Variants in PRKACB observed in about 807,000 individuals in gnomAD.
The protein encoded by PRKACB is cAMP-dependent protein kinase catalytic subunit beta.
Under a neutral mutation model 51.4 loss-of-function variants are expected in PRKACB, and 16 were observed. That is an observed-to-expected ratio of 0.31 (90% confidence interval 0.21 to 0.47). The LOEUF (loss-of-function observed/expected upper bound fraction) is 0.47, where lower values mean the gene tolerates loss of function less well. PRKACB is among the 20% of genes least tolerant of loss of function. The pLI is 1.00. For missense variants in PRKACB, 309 were observed against 464.5 expected (o/e 0.67, Z 3.08); for synonymous variants, 147 against 154.4 (o/e 0.95, Z 0.35).
chr1:84,133,691 T>C (rs1206192835), intron 1 of PRKACB, among the ~76,000 whole-genome samples: 1 of 152,210 alleles, frequency 6.6e-6, no homozygotes, highest in Non-Finnish European at 1.5e-5. Flanking sequence ...GGAGCACAGC[T>C]GAGCCAGTGC....
intron 1 of PRKACB, among the ~76,000 whole-genome samples, chr1:84,088,787 T>C (rs1451548259): frequency 6.6e-6 from 1 of 152,190 alleles, no homozygotes; most frequent in African/African-American, 2.4e-5. Context: ...GGCACTATGC[T>C]AGTCTGTAGA....
At chr1:84,160,826 G>T (rs1203593456) in intron 1 of PRKACB, among the ~76,000 whole-genome samples, 1 of 151,454 alleles carries the variant, frequency 6.6e-6, no homozygotes, top group Non-Finnish European at 1.5e-5. Flanking sequence ...TAATTCTGCT[G>T]TGATTATAGA....
intron 1 of PRKACB, among the ~76,000 whole-genome samples, chr1:84,100,842 GA>G (rs1649299109): frequency 6.6e-6 from 1 of 152,100 alleles, no homozygotes; most frequent in Non-Finnish European, 1.5e-5. Flanking sequence ...TTTTATACAA[GA>G]GGTAACTGAG....
intron 1 of PRKACB, among the ~76,000 whole-genome samples, chr1:84,153,505 ATTC>A (rs1655086573): frequency 6.6e-6 from 1 of 152,146 alleles, no homozygotes; most frequent in Non-Finnish European, 1.5e-5. Context: ...TCCAGGACTT[ATTC>A]ATCCTGTCTA....
intron 1 of PRKACB, among the ~76,000 whole-genome samples, chr1:84,082,651 T>C (rs1243007932): frequency 6.6e-6 from 1 of 152,170 alleles, no homozygotes; most frequent in African/African-American, 2.4e-5. Flanking sequence ...CAGTCAAACA[T>C]TCTGTGATAA....
intron 1 of PRKACB, among the ~76,000 whole-genome samples, chr1:84,172,649 A>G (rs1659916615): frequency 6.6e-6 from 1 of 151,736 alleles, no homozygotes; most frequent in Admixed American, 6.6e-5. Context: ...TATATGTCTC[A>G]TTAAAAGTGT....
intron 1 of PRKACB, chr1:84,086,253 G>T (rs1647976993): frequency 6.6e-7 from 1 of 1,524,548 alleles, no homozygotes; most frequent in South Asian, 1.1e-5. Flanking sequence ...ACAAGTCCTG[G>T]TTCCCTTGCC....
intron 9 of PRKACB, among the ~76,000 whole-genome samples, chr1:84,219,625 G>T (rs1400488513): frequency 1.3e-5 from 2 of 150,612 alleles, no homozygotes; most frequent in East Asian, 1.9e-4. Flanking sequence ...AGTGATTTGG[G>T]GATATGGTGA....
At chr1:84,221,442 G>A (rs969880526) in intron 9 of PRKACB, among the ~76,000 whole-genome samples, 3 of 149,376 alleles carry the variant, frequency 2.0e-5, no homozygotes, top group Non-Finnish European at 3.0e-5. Flanking sequence ...ATTTCATTTA[G>A]TTGTGCTCTG....
intron 1 of PRKACB, among the ~76,000 whole-genome samples, chr1:84,087,246 T>G (rs1285001824): frequency 6.6e-6 from 1 of 152,238 alleles, no homozygotes; most frequent in Admixed American, 6.5e-5. Flanking sequence ...CATATTTCAT[T>G]TAATCTAGAA....
chr1:84,183,756 A>C (rs560006663), intron 3 of PRKACB, among the ~76,000 whole-genome samples: 18 of 151,944 alleles, frequency 1.2e-4, no homozygotes, highest in Admixed American at 8.5e-4. Context: ...TCTTATTCCT[A>C]CTTAGCTCTC....
intron 5 of PRKACB, among the ~76,000 whole-genome samples, chr1:84,188,113 T>A (rs931568528): frequency 6.6e-6 from 1 of 152,044 alleles, no homozygotes; most frequent in African/African-American, 2.4e-5. Context: ...TGCTTTTATC[T>A]TTTTTTACAA....
At chr1:84,180,671 G>T (rs1385448761) in intron 2 of PRKACB, among the ~76,000 whole-genome samples, 1 of 151,966 alleles carries the variant, frequency 6.6e-6, no homozygotes, top group Non-Finnish European at 1.5e-5. Flanking sequence ...TCTCACTAAA[G>T]AATTCTAAGT....
intron 1 of PRKACB, among the ~76,000 whole-genome samples, chr1:84,168,488 C>T (rs1288500291): frequency 6.6e-6 from 1 of 151,418 alleles, no homozygotes; most frequent in African/African-American, 2.4e-5. Context: ...AAGAAGAAGG[C>T]ATGAATCTGC....
chr1:84,093,638 C>T (rs962116142), intron 1 of PRKACB, among the ~76,000 whole-genome samples: 7 of 151,770 alleles, frequency 4.6e-5, no homozygotes, highest in African/African-American at 9.7e-5. Flanking sequence ...ATTATATACA[C>T]GAACCTTATA....
At chr1:84,228,123 A>G (rs192479963) in intron 9 of PRKACB, among the ~76,000 whole-genome samples, 1 of 151,980 alleles carries the variant, frequency 6.6e-6, no homozygotes, top group Non-Finnish European at 1.5e-5. Flanking sequence ...TCAAACAAAA[A>G]GATAATATTA....
rs542741500 is a variant in PRKACB at position 84,226,255 on chromosome 1, A to G, written c.1072-8925A>G. Among the ~76,000 whole-genome samples the G allele has an allele frequency of 8.7e-5, 12 of 137,184 alleles. No homozygotes were observed. In the South Asian group the frequency reaches 2.7e-3, roughly 31 times the overall value. The allele number at this position is 137,184 out of a possible 152,430, so 90.0% of individuals were successfully genotyped here. On this transcript the variant is annotated intron_variant, in intron 9 of 9. Transcript: ENST00000370685. ...TCTTCCTTTTTTGATTAGACTTGCC[A>G]ATGGTTTGTGGGTTTTTTGTTTTTT...
At chr1:84,207,352 A>T (rs780757912) in intron 8 of PRKACB, among the ~76,000 whole-genome samples, 35 of 152,288 alleles carry the variant, frequency 2.3e-4, no homozygotes, top group Non-Finnish European at 3.4e-4. Flanking sequence ...ATATTTATAA[A>T]TATTTTTAAT....
chr1:84,121,606 A>G lies in PRKACB; in HGVS notation c.46+43235A>G, dbSNP rs186717920. Among the ~76,000 whole-genome samples, 1,356 of 152,268 alleles carry G rather than the reference A, an allele frequency of 8.9e-3. 15 individuals carry two copies. The highest frequency in any genetic ancestry group is 0.013 in the Non-Finnish European group (905 of 68,002). ...AGGGGAAGTTGGAGAGAAAAGAGAC[A>G]GCAATCTCAACCAATTGCTATTAAA... On this transcript the variant is annotated intron_variant, in intron 1 of 8. Coordinates refer to the PRKACB transcript ENST00000370688.
Sources: allele counts gnomAD v4.1 joint callset (sites outside exome capture counted in the v4.1 genomes callset), GRCh38; gene constraint gnomAD v4.1.1; transcripts MANE v1.5; gene names NCBI Gene and HGNC (gene_info 2026-07-23, HGNC 2026-07-21).